Variants in PACRG observed in about 807,000 individuals in gnomAD.
The protein encoded by PACRG is parkin coregulated, also known as parkin coregulated gene protein.
Under a neutral mutation model 29.7 loss-of-function variants are expected in PACRG, and 29 were observed. The observed-to-expected ratio is 0.98, with a 90% CI of 0.73 to 1.33. The LOEUF is 1.33. Among genes scored for constraint, PACRG ranks in the 40% most tolerant of loss-of-function variants. The pLI is 0.00. For missense variants in PACRG, 279 were observed against 316.2 expected (o/e 0.88, Z 0.89); for synonymous variants, 116 against 118.7 (o/e 0.98, Z 0.15).
intron 2 of PACRG, among the ~76,000 whole-genome samples, chr6:162,952,663 T>C (rs1333744598): frequency 6.6e-6 from 1 of 152,172 alleles, no homozygotes; most frequent in Non-Finnish European, 1.5e-5. Flanking sequence ...CCACACTAAA[T>C]TGTATCACAT....
chr6:163,218,939 G>C (rs1043699424), intron 4 of PACRG, among the ~76,000 whole-genome samples: 45 of 152,202 alleles, frequency 3.0e-4, no homozygotes, highest in Non-Finnish European at 4.6e-4. Flanking sequence ...CCTTGGATTC[G>C]GCCAAATATC....
intron 1 of PACRG, among the ~76,000 whole-genome samples, chr6:162,770,027 C>T (rs889953273): frequency 1.3e-5 from 2 of 151,968 alleles, no homozygotes; most frequent in Non-Finnish European, 2.9e-5. Flanking sequence ...TCAGGGCTAT[C>T]ACAAATAAAT....
intron 1 of PACRG, among the ~76,000 whole-genome samples, chr6:162,787,580 G>GTATCTATATATATATATATATA (rs746185048): frequency 4.3e-5 from 3 of 69,170 alleles, no homozygotes; most frequent in Admixed American, 3.3e-4. Flanking sequence ...GTGTGTGTGT[G>GTATCTATATATATATATATATA]TGTATATATA....
intron 1 of PACRG, among the ~76,000 whole-genome samples, chr6:162,784,795 G>T (rs1584344365): frequency 6.6e-6 from 1 of 152,286 alleles, no homozygotes; most frequent in African/African-American, 2.4e-5. Context: ...TACTTGAAAA[G>T]GCTCAGAATG....
intron 2 of PACRG, among the ~76,000 whole-genome samples, chr6:163,029,916 C>T (rs1220621404): frequency 6.6e-6 from 1 of 152,000 alleles, no homozygotes; most frequent in African/African-American, 2.4e-5. Context: ...TTCAGGCCTT[C>T]CAGGAGTAAA....
chr6:162,933,923 G>T (rs1254048882), intron 2 of PACRG, among the ~76,000 whole-genome samples: 2 of 152,130 alleles, frequency 1.3e-5, no homozygotes, highest in African/African-American at 4.8e-5. Context: ...AGGGAAGGGA[G>T]GTGCTAAGCT....
intron 4 of PACRG, chr6:163,245,254 T>C (rs565931424): frequency 4.3e-6 from 1 of 232,670 alleles, no homozygotes; most frequent in East Asian, 1.1e-4. Flanking sequence ...CGCGGCACTT[T>C]TTAACTTAAT....
At chr6:163,121,954 G>A (rs1241943214) in intron 4 of PACRG, among the ~76,000 whole-genome samples, 9 of 152,004 alleles carry the variant, frequency 5.9e-5, no homozygotes, top group African/African-American at 4.8e-5. Flanking sequence ...GAGCCACCAC[G>A]CCTGGCCGGT....
intron 2 of PACRG, among the ~76,000 whole-genome samples, chr6:162,891,384 C>T (rs1438883277): frequency 6.6e-6 from 1 of 152,144 alleles, no homozygotes; most frequent in Non-Finnish European, 1.5e-5. Context: ...CTCCCTCATG[C>T]ACCTGAAGCA....
At chr6:162,992,406 C>T (rs1375800726) in intron 2 of PACRG, among the ~76,000 whole-genome samples, 7 of 146,532 alleles carry the variant, frequency 4.8e-5, no homozygotes, top group African/African-American at 1.5e-4. Flanking sequence ...TGATTATTGC[C>T]CCAATTTCAG....
At chr6:163,024,484 A>G (rs1806934077) in intron 2 of PACRG, among the ~76,000 whole-genome samples, 1 of 152,206 alleles carries the variant, frequency 6.6e-6, no homozygotes, top group Non-Finnish European at 1.5e-5. Context: ...ATAGGCTTAC[A>G]GTATGGTTTA....
At chr6:163,166,123 G>A (rs1171157383) in intron 4 of PACRG, 3 of 456,144 alleles carry the variant, frequency 6.6e-6, no homozygotes, top group Non-Finnish European at 1.3e-5. Context: ...GCTTGGCGCG[G>A]GGTTTCTGGG....
chr6:163,134,148 C>T (rs1816841226), intron 4 of PACRG, among the ~76,000 whole-genome samples: 1 of 152,182 alleles, frequency 6.6e-6, no homozygotes, highest in Admixed American at 6.5e-5. Flanking sequence ...TCTTTCCCTT[C>T]CGTTCCATGT....
At chr6:163,121,861 AC>A (rs935564514) in intron 4 of PACRG, among the ~76,000 whole-genome samples, 1 of 151,758 alleles carries the variant, frequency 6.6e-6, no homozygotes, top group Non-Finnish European at 1.5e-5. Context: ...ACGGGGTTTC[AC>A]CATGTTAGCC....
At chr6:163,092,680 CA>C (rs1304359985) in intron 4 of PACRG, among the ~76,000 whole-genome samples, 3 of 152,174 alleles carry the variant, frequency 2.0e-5, no homozygotes, top group Admixed American at 6.5e-5. Flanking sequence ...TGCATCGTAA[CA>C]ACTTTTCATT....
intron 4 of PACRG, among the ~76,000 whole-genome samples, chr6:163,273,820 T>C (rs1420823677): frequency 5.3e-5 from 8 of 152,176 alleles, no homozygotes; most frequent in African/African-American, 1.9e-4. Flanking sequence ...TTCTAGTTAA[T>C]TAATTTCAGC....
At chr6:163,102,550 A>T (rs1815155663) in intron 4 of PACRG, among the ~76,000 whole-genome samples, 1 of 152,190 alleles carries the variant, frequency 6.6e-6, no homozygotes, top group Non-Finnish European at 1.5e-5. Context: ...CTCTCCTGAA[A>T]TTTCTAAGAG....
intron 2 of PACRG, among the ~76,000 whole-genome samples, chr6:162,962,818 A>G (rs1302156102): frequency 6.6e-6 from 1 of 152,222 alleles, no homozygotes; most frequent in African/African-American, 2.4e-5. Flanking sequence ...AGGTTGGAAG[A>G]CAATGGATAG....
chr6:163,247,496 T>C (rs1361905214), intron 4 of PACRG, among the ~76,000 whole-genome samples: 1 of 152,364 alleles, frequency 6.6e-6, no homozygotes, highest in East Asian at 1.9e-4. Flanking sequence ...TGATGGATCT[T>C]CTGTCACATA....
Sources: gnomAD v4.1 joint callset for allele counts (sites outside exome capture counted in the v4.1 genomes callset) on GRCh38, gnomAD v4.1.1 for gene constraint, MANE v1.5 for transcripts, NCBI Gene and HGNC (gene_info 2026-07-23, HGNC 2026-07-21) for gene names.